The following WT1 variants were observed in gnomAD, a reference collection of about 807,000 sequenced individuals.
WT1 encodes Wilms tumor protein.
WT1 carries 8 observed loss-of-function variants against 60.8 expected under a neutral mutation model. That is an observed-to-expected ratio of 0.13 (90% CI 0.08 to 0.24). The LOEUF (loss-of-function observed/expected upper bound fraction) is 0.24. Ranked by LOEUF, WT1 falls within the 10% of genes least tolerant of loss-of-function variation. WT1 has a pLI of 1.00. For missense variants in WT1, 568 were observed against 711.8 expected, an observed-to-expected ratio of 0.80 and a Z score of 2.30; for synonymous variants, 312 against 297.1, an observed-to-expected ratio of 1.05 and a Z score of -0.52.
rs559203418 is a variant in WT1, at chr11:32,428,125, A to T, written c.785-67T>A. On this transcript the variant is annotated intron_variant, in intron 2 of 9. Transcript: ENST00000452863. The stretch of plus-strand genomic sequence containing the variant: ...GGGCTCGGGGTGCGAGGCTGCGGGC[A>T]GGGGTTGGGGGAGACACGAGATCCT... The T allele has an allele frequency of 9.9e-5, 139 of 1,408,594 alleles. No homozygotes were observed. In the African/African-American group the frequency reaches 1.8e-3, roughly 18 times the overall value. The allele number at this position is 1,408,594 out of a possible 1,614,324, so 87.3% of individuals were successfully genotyped here. A position where few individuals can be genotyped will look rare whatever the true frequency, so the allele number is the denominator to read the frequency against.
intron 5 of WT1, among the ~76,000 whole-genome samples, chr11:32,401,060 AT>A (rs1454113791): frequency 6.6e-6 from 1 of 152,284 alleles, no homozygotes; most frequent in Non-Finnish European, 1.5e-5. Context: ...TACATTGTGC[AT>A]TAGCAGCATA....
At chr11:32,389,416 G>A (rs1297314720) in intron 9 of WT1, among the ~76,000 whole-genome samples, 2 of 152,214 alleles carry the variant, frequency 1.3e-5, no homozygotes, top group Non-Finnish European at 2.9e-5. Context: ...AACTTGGAAA[G>A]TGGGAGATAA....
chr11:32,427,144 C>T (rs1853076432), intron 3 of WT1, among the ~76,000 whole-genome samples: 3 of 152,234 alleles, frequency 2.0e-5, no homozygotes, highest in Admixed American at 1.3e-4. Flanking sequence ...CTGCTGCTCC[C>T]CGGCCCCCGC....
At chr11:32,405,077 T>G (rs140322072) in intron 5 of WT1, among the ~76,000 whole-genome samples, 1 of 152,296 alleles carries the variant, frequency 6.6e-6, no homozygotes, top group Admixed American at 6.5e-5. Context: ...TCTTTTTAAT[T>G]TAAAACAGAG....
chr11:32,431,062 C>T (rs986263930), intron 1 of WT1, among the ~76,000 whole-genome samples: 1 of 152,138 alleles, frequency 6.6e-6, no homozygotes, highest in African/African-American at 2.4e-5. Context: ...GGGAGGGGAG[C>T]GCAACCTTGA....
intron 1 of WT1, among the ~76,000 whole-genome samples, chr11:32,432,425 C>T (rs980686152): frequency 1.3e-5 from 2 of 152,220 alleles, no homozygotes; most frequent in Non-Finnish European, 2.9e-5. Context: ...CACCCTTGCC[C>T]ACTCCAGGAT....
In WT1 at chr11:32,428,036, C is replaced by G. The variant is rs1484892213; in HGVS notation, c.807G>C (p.Pro269=). 1 of 1,608,696 alleles carries G rather than the reference C, an allele frequency of 6.2e-7. No individual in the cohort carries two copies. Among genetic ancestry groups the G allele is most frequent in the South Asian group, 1.1e-5 (1 of 90,528 alleles). Reference sequence around the variant, plus strand: ...GGGTGTGGCAGCCATAGACCGGGGGCGGCACCGAGTACTGCTGCTCACCTG... The same window carrying G: ...GGGTGTGGCAGCCATAGACCGGGGGGGGCACCGAGTACTGCTGCTCACCTG... The change falls in exon 3 of 10, where the codon CCG becomes CCC. Residue 269 remains proline (P), a synonymous_variant. Coordinates refer to ENST00000452863, the MANE Select transcript of WT1 (RefSeq NM_024426.6).
At chr11:32,412,528 G>A (rs1019679527) in intron 5 of WT1, among the ~76,000 whole-genome samples, 3 of 151,950 alleles carry the variant, frequency 2.0e-5, no homozygotes, top group Admixed American at 2.0e-4. Context: ...TTCTTCAGAA[G>A]AGACAAAACA....
intron 1 of WT1, among the ~76,000 whole-genome samples, chr11:32,432,296 C>G (rs1008498934): frequency 6.6e-6 from 1 of 152,170 alleles, no homozygotes; most frequent in Admixed American, 6.5e-5. Context: ...GCCATTTCCA[C>G]ATTTTTGAGA....
Position 32,434,848 on chromosome 11 carries a change from G to T in WT1, c.513C>A (p.Gly171=), listed in dbSNP as rs536728682. 2,143 of 1,612,604 alleles carry T rather than the reference G, an allele frequency of 1.3e-3. 41 individuals are homozygous for T. In the South Asian group the frequency reaches 0.022, roughly 17 times the overall value. ...AGGCTCCGGCTGTGCCAGTGAACTG[G>T]CCGGAAAAGTGGACAGTGAAGGCGC... Residue 171 remains glycine, a synonymous_variant, in exon 1 of 10, where the codon GGC becomes GGA. Coordinates refer to ENST00000452863, the MANE Select transcript of WT1 (RefSeq NM_024426.6).
At chr11:32,431,561 C>G (rs918763330) in intron 1 of WT1, among the ~76,000 whole-genome samples, 1 of 151,536 alleles carries the variant, frequency 6.6e-6, no homozygotes, top group Non-Finnish European at 1.5e-5. Context: ...CTCAGCCTCC[C>G]GAGTAGCTGG....
intron 6 of WT1, among the ~76,000 whole-genome samples, chr11:32,398,534 G>A (rs1852043762): frequency 6.6e-6 from 1 of 152,108 alleles, no homozygotes; most frequent in Non-Finnish European, 1.5e-5. Flanking sequence ...CCCACAAACT[G>A]TTCACCATCC....
At chr11:32,426,954 C>T (rs1853065746) in intron 3 of WT1, among the ~76,000 whole-genome samples, 1 of 152,202 alleles carries the variant, frequency 6.6e-6, no homozygotes, top group South Asian at 2.1e-4. Context: ...AGGGCAGGCG[C>T]TTTTCCTTCC....
chr11:32,397,379 C>T (rs933610504), intron 6 of WT1, among the ~76,000 whole-genome samples: 3 of 152,092 alleles, frequency 2.0e-5, no homozygotes, highest in Non-Finnish European at 2.9e-5. Context: ...TGCAGTGGCA[C>T]GATCGGGGCT....
At chr11:32,419,632 A>G (rs1482376304) in intron 3 of WT1, among the ~76,000 whole-genome samples, 1 of 152,252 alleles carries the variant, frequency 6.6e-6, no homozygotes, top group Non-Finnish European at 1.5e-5. Context: ...ATTTTCTCAC[A>G]GACTTAAAGA....
At chr11:32,393,000 G>A (rs970034981) in intron 7 of WT1, among the ~76,000 whole-genome samples, 4 of 151,650 alleles carry the variant, frequency 2.6e-5, no homozygotes, top group African/African-American at 9.7e-5. Flanking sequence ...CCTGGGTGAG[G>A]TGTGGTTTCT....
intron 3 of WT1, among the ~76,000 whole-genome samples, chr11:32,419,521 GA>G (rs1365040102): frequency 6.6e-6 from 1 of 152,142 alleles, no homozygotes; most frequent in African/African-American, 2.4e-5. Context: ...TCACAACTCA[GA>G]AAATCATAAT....
chr11:32,421,110 G>A (rs762683963), intron 3 of WT1, among the ~76,000 whole-genome samples: 51 of 152,122 alleles, frequency 3.4e-4, no homozygotes, highest in Non-Finnish European at 6.3e-4. Context: ...TGACAATAAC[G>A]GCTGCTGGGG....
At position 32,416,652 on chromosome 11, in the gene WT1, T is replaced by C. The variant is rs1281245131; in HGVS notation, c.966-112A>G. On this transcript the variant is annotated intron_variant, in intron 4 of 9. Transcript: ENST00000452863. ...CCCTCAATACACAGAGACATCAAGC[T>C]AGCTATCAAGAGTGCTGAACTAAGT... The C allele has an allele frequency of 2.2e-6, 3 of 1,349,458 alleles. No individual in the cohort carries two copies. In the African/African-American group the frequency reaches 4.3e-5, roughly 19 times the overall value. 83.6% of individuals were successfully genotyped at this position (1,349,458 alleles called of 1,614,324 possible).
Sources: gnomAD v4.1 joint callset for allele counts (sites outside exome capture counted in the v4.1 genomes callset) on GRCh38, gnomAD v4.1.1 for gene constraint, MANE v1.5 for transcripts, NCBI Gene and HGNC (gene_info 2026-07-23, HGNC 2026-07-21) for gene names.